The following VSIG1 variants were observed in gnomAD, a reference collection of about 807,000 sequenced individuals.
VSIG1 encodes V-set and immunoglobulin domain containing 1.
In VSIG1, 11 loss-of-function variants were observed where a neutral mutation model predicts 20.1. The ratio of observed to expected loss-of-function variants is 0.55; its 90% CI spans 0.34 to 0.91. The LOEUF is 0.91. VSIG1 is among the 40% of genes least tolerant of loss of function. The pLI, the probability that VSIG1 is intolerant of heterozygous loss-of-function variation, is 0.02. For missense variants in VSIG1, 283 were observed against 298.8 expected (o/e 0.95, Z 0.39); for synonymous variants, 126 against 116.7 (o/e 1.08, Z -0.52).
chrX:108,047,877 T>TATACAC (rs1569287175), intron 1 of VSIG1, among the ~76,000 whole-genome samples: 13 of 31,599 alleles, frequency 4.1e-4, no homozygotes, highest in African/African-American at 6.1e-4. Flanking sequence ...TATACACATA[T>TATACAC]ATATATATAC....
At chrX:108,059,090 C>T (rs967327976) in intron 2 of VSIG1, among the ~76,000 whole-genome samples, 1 of 111,899 alleles carries the variant, frequency 8.9e-6, no homozygotes, top group Non-Finnish European at 1.9e-5. Flanking sequence ...GGCTGCATGA[C>T]CCAAAGCAGA....
the VSIG1 span, among the ~76,000 whole-genome samples, chrX:108,030,339 T>A: frequency 0.012 from 1,319 of 111,703 alleles, 13 homozygotes; most frequent in South Asian, 0.038. Context: ...TTCCAAAGAA[T>A]CAAAACATGG....
chrX:108,062,789 C>T (rs1050947739), intron 2 of VSIG1, among the ~76,000 whole-genome samples: 1 of 111,741 alleles, frequency 8.9e-6, no homozygotes, highest in East Asian at 2.8e-4. Context: ...TATGGCTAGC[C>T]CCTCTATCAG....
Position 108,047,957 on chromosome X carries a change from C to CACATATATATAT in VSIG1, c.49+2781_49+2782insTATATATATACA, listed in dbSNP as rs2030675232. 1.5e-4 allele frequency among the ~76,000 whole-genome samples: 4 copies of CACATATATATAT among 25,899 alleles called. No individual in the cohort carries two copies. The East Asian group carries it at 4.7e-3, about 30-fold the overall frequency. 22.5% of individuals were successfully genotyped at this position (25,899 alleles called of 115,157 possible). On this transcript the variant is annotated intron_variant, in intron 1 of 6. Transcript: ENST00000217957. ...ATACACATATATATATATATATACACACACATATATATATATATATATATA... is the reference window on the plus strand; with the variant it reads ...ATACACATATATATATATATATACACACATATATATATACACATATATATATATATATATATA...
At chrX:108,061,324 C>T (rs2031016528) in intron 2 of VSIG1, 1 of 534,874 alleles carries the variant, frequency 1.9e-6, no homozygotes, top group Non-Finnish European at 3.1e-6. Context: ...TGTTGCCAGA[C>T]ATCAGTGGTC....
intron 1 of VSIG1, among the ~76,000 whole-genome samples, chrX:108,054,179 A>T (rs1461938588): frequency 8.9e-6 from 1 of 112,068 alleles, no homozygotes; most frequent in East Asian, 2.8e-4. Flanking sequence ...ATAAACAGAG[A>T]CATTACCTAA....
At chrX:108,073,767 T>C (rs932550724) in intron 5 of VSIG1, 2 of 118,261 alleles carry the variant, frequency 1.7e-5, no homozygotes, top group African/African-American at 6.5e-5. Context: ...AATAGTATTA[T>C]AATAATAACA....
chrX:108,050,162 C>T (rs1486288943), intron 1 of VSIG1, among the ~76,000 whole-genome samples: 3 of 112,328 alleles, frequency 2.7e-5, no homozygotes, highest in Non-Finnish European at 5.6e-5. Context: ...ATCAGTACAA[C>T]GATTTTTTTT....
upstream of VSIG1, among the ~76,000 whole-genome samples, chrX:108,040,308 C>A (rs182370119): frequency 3.6e-5 from 4 of 111,544 alleles, no homozygotes; most frequent in East Asian, 1.1e-3. Context: ...ATTAAAGCAA[C>A]AACACAATAC....
intron 3 of VSIG1, among the ~76,000 whole-genome samples, chrX:108,071,460 G>A (rs765819967): frequency 6.3e-5 from 7 of 111,564 alleles, no homozygotes; most frequent in Non-Finnish European, 7.5e-5. Flanking sequence ...AGAATAAACC[G>A]TGCAAGTAAG....
intron 2 of VSIG1, 30 bp from the exon 3 acceptor site, chrX:108,066,906 A>G: frequency 8.5e-7 from 1 of 1,181,340 alleles, no homozygotes; most frequent in Middle Eastern, 2.3e-4. Flanking sequence ...GACTCTCTCC[A>G]GTTCTCACTT....
chrX:108,059,321 G>A (rs1365231532), intron 2 of VSIG1, among the ~76,000 whole-genome samples: 1 of 111,501 alleles, frequency 9.0e-6, no homozygotes, highest in East Asian at 2.8e-4. Flanking sequence ...TCCTTCAGAA[G>A]TGCTGAGTCC....
chrX:108,047,764 TTCTCTCTCTCTCTCTC>T (rs1178957774), intron 1 of VSIG1, among the ~76,000 whole-genome samples: 1 of 61,255 alleles, frequency 1.6e-5, no homozygotes, highest in Admixed American at 2.1e-4. Context: ...ATACAAGACA[TTCTCTCTCTCTCTCTC>T]TCTCTCTCTC....
chrX:108,072,489 G>A (rs1352088609), intron 3 of VSIG1, among the ~76,000 whole-genome samples, 188 bp from the exon 4 acceptor site: 1 of 111,552 alleles, frequency 9.0e-6, no homozygotes, highest in African/African-American at 3.3e-5. Context: ...CTGACCTCAG[G>A]TGATCCACCT....
chrX:108,074,640 A>G (rs2031317737), intron 5 of VSIG1, among the ~76,000 whole-genome samples: 1 of 112,264 alleles, frequency 8.9e-6, no homozygotes, highest in Non-Finnish European at 1.9e-5. Context: ...CCTATAATAG[A>G]AGTCTGAACA....
chrX:108,035,299 T>C, the VSIG1 span, among the ~76,000 whole-genome samples: 16 of 110,764 alleles, frequency 1.4e-4, no homozygotes, highest in South Asian at 5.8e-3. Context: ...CGGGGTTTCA[T>C]CATGTTGGAC....
intron 1 of VSIG1, among the ~76,000 whole-genome samples, chrX:108,047,973 T>TATATACACACAC (rs2030688820): frequency 3.4e-5 from 2 of 59,637 alleles, no homozygotes; most frequent in African/African-American, 1.5e-4. Flanking sequence ...TATATATATA[T>TATATACACACAC]ATATATATAT....
intron 2 of VSIG1, among the ~76,000 whole-genome samples, chrX:108,064,349 A>C (rs2031086851): frequency 9.0e-6 from 1 of 111,638 alleles, no homozygotes; most frequent in Non-Finnish European, 1.9e-5. Context: ...TGAGAGGGCA[A>C]AATGTATTAG....
rs2030666453 is a variant in VSIG1 at position 108,047,939 on chromosome X, TATATATATATATATACACACAC to T, written c.49+2776_49+2797del. On this transcript the variant is annotated intron_variant, in intron 1 of 6. Transcript: ENST00000217957. ...ATATACACATATATATATATACACA[TATATATATATATATACACACAC>T]ATATATATATATATATATATATATA... is the stretch of plus-strand genomic sequence containing the variant. Among the ~76,000 whole-genome samples the T allele has an allele frequency of 3.5e-4, 6 of 17,027 alleles. 1 individual carries two copies. Among genetic ancestry groups the T allele is most frequent in the Admixed American group, 1.6e-3 (2 of 1,256 alleles). The allele number at this position is 17,027 out of a possible 115,157, so 14.8% of individuals were successfully genotyped here.
Sources: gnomAD v4.1 joint callset for allele counts (sites outside exome capture counted in the v4.1 genomes callset) on GRCh38, gnomAD v4.1.1 for gene constraint, MANE v1.5 for transcripts, NCBI Gene and HGNC (gene_info 2026-07-23, HGNC 2026-07-21) for gene names.